LRRTM4: variants seen among roughly 807,000 people sequenced by gnomAD.
The protein encoded by LRRTM4 is leucine rich repeat transmembrane neuronal 4.
In LRRTM4, 25 loss-of-function variants were observed where a neutral mutation model predicts 47.6. That is an observed-to-expected ratio of 0.53 (90% CI 0.38 to 0.73). The LOEUF (loss-of-function observed/expected upper bound fraction) is 0.73, where lower values mean the gene tolerates loss of function less well. Ranked by LOEUF, LRRTM4 falls within the 30% of genes least tolerant of loss-of-function variation. LRRTM4 has a pLI of 0.00. For missense variants in LRRTM4, 638 were observed against 713.4 expected (o/e 0.89, Z 1.20); for synonymous variants, 311 against 269.5 (o/e 1.15, Z -1.51).
intron 3 of LRRTM4, among the ~76,000 whole-genome samples, chr2:76,936,418 C>T (rs993710724): frequency 1.3e-5 from 2 of 150,914 alleles, no homozygotes; most frequent in African/African-American, 4.9e-5. Context: ...AGGGGAACAT[C>T]ACACACTGGG....
At chr2:77,019,882 C>A (rs1198037830) in intron 3 of LRRTM4, among the ~76,000 whole-genome samples, 1 of 151,832 alleles carries the variant, frequency 6.6e-6, no homozygotes, top group East Asian at 1.9e-4. Context: ...GGCAAAGAGG[C>A]TGTGGGTGAA....
Position 76,748,616 on chromosome 2 carries a change from T to A in LRRTM4, c.*79A>T. ...CGATGAGCTTGCTCGATTGCGCGATTGTGGACACCCATTCTCCTTTAAGAT... is the reference window on the plus strand; with the variant it reads ...CGATGAGCTTGCTCGATTGCGCGATAGTGGACACCCATTCTCCTTTAAGAT... On this transcript the variant is annotated 3_prime_UTR_variant, in exon 4 of 4. Coordinates refer to ENST00000409884, the MANE Select transcript of LRRTM4 (RefSeq NM_001134745.3). 1 of 1,147,554 alleles carries A rather than the reference T, an allele frequency of 8.7e-7. No individual in the cohort carries two copies. Among genetic ancestry groups the A allele is most frequent in the Non-Finnish European group, 1.3e-6 (1 of 782,278 alleles). The allele number at this position is 1,147,554 out of a possible 1,614,324, so 71.1% of individuals were successfully genotyped here. A position where few individuals can be genotyped will look rare whatever the true frequency, so the allele number is the denominator to read the frequency against.
intron 3 of LRRTM4, among the ~76,000 whole-genome samples, chr2:76,898,764 G>A (rs1396947342): frequency 1.3e-5 from 2 of 150,558 alleles, no homozygotes; most frequent in Non-Finnish European, 3.0e-5. Flanking sequence ...AGGTATAGAA[G>A]ATATATAAAA....
At chr2:76,952,948 T>C (rs1018113732) in intron 3 of LRRTM4, among the ~76,000 whole-genome samples, 25 of 151,890 alleles carry the variant, frequency 1.6e-4, no homozygotes, top group Non-Finnish European at 2.8e-4. Context: ...AACTACTGCC[T>C]GTTCTCCCTT....
intron 3 of LRRTM4, among the ~76,000 whole-genome samples, chr2:76,998,791 A>T (rs1677302511): frequency 1.4e-5 from 2 of 147,564 alleles, no homozygotes; most frequent in South Asian, 4.2e-4. Flanking sequence ...TTTCCTTAAC[A>T]TCAGGCGTAC....
intron 3 of LRRTM4, among the ~76,000 whole-genome samples, chr2:76,940,040 G>C (rs1273660637): frequency 6.6e-6 from 1 of 152,114 alleles, no homozygotes; most frequent in East Asian, 1.9e-4. Flanking sequence ...CACTCTTGGT[G>C]GGGGTGTAAA....
intron 3 of LRRTM4, among the ~76,000 whole-genome samples, chr2:77,183,785 A>G (rs933235254): frequency 4.6e-5 from 7 of 152,194 alleles, no homozygotes; most frequent in Non-Finnish European, 7.3e-5. Context: ...CTTTGTAGGG[A>G]CATGGATGAA....
intron 3 of LRRTM4, among the ~76,000 whole-genome samples, chr2:77,327,282 G>T (rs1573258725): frequency 6.6e-6 from 1 of 152,208 alleles, no homozygotes; most frequent in East Asian, 1.9e-4. Context: ...ATTTTAAAAA[G>T]AAAATGGAGT....
chr2:77,325,376 G>T (rs1670722566), intron 3 of LRRTM4, among the ~76,000 whole-genome samples: 1 of 152,126 alleles, frequency 6.6e-6, no homozygotes, highest in Admixed American at 6.5e-5. Context: ...AGTTCAGTTT[G>T]GGAGGCACTG....
At chr2:76,815,052 T>G (rs1347816897) in intron 3 of LRRTM4, among the ~76,000 whole-genome samples, 1 of 152,012 alleles carries the variant, frequency 6.6e-6, no homozygotes, top group Admixed American at 6.6e-5. Flanking sequence ...GGGAGAGAGC[T>G]TCACTGTGCT....
intron 3 of LRRTM4, among the ~76,000 whole-genome samples, chr2:77,232,229 C>A (rs922636425): frequency 6.6e-6 from 1 of 152,164 alleles, no homozygotes; most frequent in Admixed American, 6.5e-5. Context: ...GATTTCTGAT[C>A]GGACCTTCCT....
chr2:77,103,857 T>A (rs1403840055), intron 3 of LRRTM4, among the ~76,000 whole-genome samples: 1 of 151,844 alleles, frequency 6.6e-6, no homozygotes, highest in East Asian at 1.9e-4. Context: ...CTCAAGGCAT[T>A]CTCACCAAGA....
intron 3 of LRRTM4, among the ~76,000 whole-genome samples, chr2:76,934,153 G>A (rs1279460270): frequency 3.9e-5 from 6 of 152,004 alleles, no homozygotes; most frequent in African/African-American, 7.2e-5. Context: ...AAATAAATGG[G>A]TCTCTATGCT....
chr2:77,268,018 G>A (rs6714947), intron 3 of LRRTM4, among the ~76,000 whole-genome samples: 4,191 of 151,990 alleles, frequency 0.028, 80 homozygotes, highest in South Asian at 0.057. Context: ...TCACTGTCTC[G>A]TTTTTCTTTC....
At chr2:76,789,696 A>T (rs959070229) in intron 3 of LRRTM4, among the ~76,000 whole-genome samples, 3 of 152,122 alleles carry the variant, frequency 2.0e-5, no homozygotes, top group African/African-American at 7.2e-5. Flanking sequence ...ACTCTGTATC[A>T]TGAGGGAGGA....
intron 3 of LRRTM4, among the ~76,000 whole-genome samples, chr2:76,872,325 T>C (rs921942804): frequency 1.4e-4 from 21 of 152,070 alleles, no homozygotes; most frequent in Non-Finnish European, 2.9e-4. Context: ...AATAATCAAA[T>C]GGAGTGAATA....
intron 3 of LRRTM4, among the ~76,000 whole-genome samples, chr2:76,762,918 G>A (rs1010087886): frequency 6.6e-6 from 1 of 152,170 alleles, no homozygotes; most frequent in African/African-American, 2.4e-5. Context: ...AGCTACTAGT[G>A]TCTTTTCACT....
rs948620969 is a variant in LRRTM4 at position 77,518,880 on chromosome 2, T to C, written c.989A>G (p.Lys330Arg). 1 of 1,604,906 alleles carries C rather than the reference T, an allele frequency of 6.2e-7. No individual in the cohort carries two copies. The highest frequency in any genetic ancestry group is 8.5e-7 in the Non-Finnish European group (1 of 1,174,888). Reference protein sequence around the residue: ...CPLFYWLKNFKGNKESTMICA... With the variant: ...CPLFYWLKNFRGNKESTMICA... ...TATCATGGTGCTTTCCTTATTTCCT[T>C]TGAAATTCTTAAGCCAATAAAATAA... Residue 330 changes from lysine (K) to arginine (R), a missense_variant, in exon 3 of 4, where the codon AAA becomes AGA. By Grantham distance (26) the Lys-to-Arg change is conservative. Coordinates refer to ENST00000409884, the MANE Select transcript of LRRTM4 (RefSeq NM_001134745.3).
intron 3 of LRRTM4, among the ~76,000 whole-genome samples, chr2:76,960,304 CAT>C (rs773088692): frequency 2.9e-4 from 44 of 151,504 alleles, no homozygotes; most frequent in Non-Finnish European, 4.3e-4. Flanking sequence ...GCACAGAAAA[CAT>C]AAAACATAAA....
Sources: allele counts gnomAD v4.1 joint callset (sites outside exome capture counted in the v4.1 genomes callset), GRCh38; gene constraint gnomAD v4.1.1; transcripts MANE v1.5; gene names NCBI Gene and HGNC (gene_info 2026-07-23, HGNC 2026-07-21).